Variants in NRXN1 observed in about 807,000 individuals in gnomAD.
NRXN1 encodes the protein neurexin 1, also known as neurexin-1.
A neutral mutation model predicts 150.9 loss-of-function variants in NRXN1; 39 were observed. That is an observed-to-expected ratio of 0.26 (90% CI 0.20 to 0.34). NRXN1 has a LOEUF of 0.34. Ranked by LOEUF, NRXN1 falls within the 10% of genes least tolerant of loss-of-function variation. NRXN1 has a pLI of 1.00. For missense variants in NRXN1, 1,815 were observed against 1,949.9 expected, an observed-to-expected ratio of 0.93 and a Z score of 1.30; for synonymous variants, 924 against 757.0, an observed-to-expected ratio of 1.22 and a Z score of -3.62.
At chr2:50,662,633 T>C (rs536316226) in intron 5 of NRXN1, among the ~76,000 whole-genome samples, 3 of 152,074 alleles carry the variant, frequency 2.0e-5, no homozygotes, top group African/African-American at 7.2e-5. Flanking sequence ...TGTTAGTATA[T>C]TCTCTGTGTG....
At chr2:50,322,515 T>A (rs2076114728) in intron 17 of NRXN1, among the ~76,000 whole-genome samples, 1 of 152,170 alleles carries the variant, frequency 6.6e-6, no homozygotes, top group Non-Finnish European at 1.5e-5. Context: ...ATTTTTCAGG[T>A]GATAACTGTT....
chr2:50,002,511 C>G (rs1297678180), intron 21 of NRXN1, among the ~76,000 whole-genome samples: 1 of 152,106 alleles, frequency 6.6e-6, no homozygotes, highest in Non-Finnish European at 1.5e-5. Flanking sequence ...GTTTTTCCAG[C>G]TTCAGATTCC....
chr2:50,919,756 AT>A lies in NRXN1; in HGVS notation c.832+2112del, dbSNP rs941069020. 332 of 154,732 alleles carry A rather than the reference AT, an allele frequency of 2.1e-3. 1 individual carries two copies. Among genetic ancestry groups the A allele is most frequent in the South Asian group, 0.011 (57 of 5,388 alleles). 9.6% of individuals were successfully genotyped at this position (154,732 alleles called of 1,614,324 possible). A position where few individuals can be genotyped will look rare whatever the true frequency, so the allele number is the denominator to read the frequency against. On this transcript the variant is annotated intron_variant, in intron 5 of 22. Coordinates refer to ENST00000401669, the MANE Select transcript of NRXN1 (RefSeq NM_001330078.2). ...AAAGTTCCTAAATTATTTTTTCCAG[AT>A]TTTTTTTTAATTCCTCCAACAGATG...
chr2:50,673,516 A>G (rs1398463900), intron 5 of NRXN1, among the ~76,000 whole-genome samples: 1 of 152,118 alleles, frequency 6.6e-6, no homozygotes, highest in Admixed American at 6.6e-5. Flanking sequence ...GAGAAAGGTA[A>G]TCTTCAGTAC....
intron 21 of NRXN1, among the ~76,000 whole-genome samples, chr2:50,036,222 G>A (rs1325296190): frequency 6.6e-6 from 1 of 152,048 alleles, no homozygotes; most frequent in Non-Finnish European, 1.5e-5. Flanking sequence ...ATGATATTGC[G>A]TGAGTTCTCA....
chr2:50,167,609 C>A (rs557917147), intron 18 of NRXN1, among the ~76,000 whole-genome samples: 2 of 150,690 alleles, frequency 1.3e-5, no homozygotes, highest in East Asian at 3.9e-4. Flanking sequence ...GGAAAAAGAA[C>A]AAGTATTATC....
intron 2 of NRXN1, among the ~76,000 whole-genome samples, chr2:50,976,339 A>AT (rs922267067): frequency 1.3e-5 from 2 of 151,596 alleles, no homozygotes; most frequent in East Asian, 3.9e-4. Flanking sequence ...ATTTGCTTGA[A>AT]TTTTTTCCCT....
chr2:50,403,392 A>G (rs1558670260), intron 17 of NRXN1, among the ~76,000 whole-genome samples: 2 of 152,112 alleles, frequency 1.3e-5, no homozygotes, highest in South Asian at 4.1e-4. Context: ...CAAACCTACT[A>G]AATCAGAATC....
chr2:50,491,752 T>C (rs909794358), intron 15 of NRXN1, among the ~76,000 whole-genome samples: 1 of 152,190 alleles, frequency 6.6e-6, no homozygotes, highest in Non-Finnish European at 1.5e-5. Context: ...CACTCTATGC[T>C]ACACAGCTAG....
intron 5 of NRXN1, among the ~76,000 whole-genome samples, chr2:50,819,751 T>G (rs549896322): frequency 6.6e-6 from 1 of 152,218 alleles, no homozygotes; most frequent in South Asian, 2.1e-4. Context: ...GCAGTGATTA[T>G]TTCCCTGAAT....
At chr2:50,353,782 C>T (rs947094104) in intron 17 of NRXN1, among the ~76,000 whole-genome samples, 2 of 152,062 alleles carry the variant, frequency 1.3e-5, no homozygotes, top group African/African-American at 2.4e-5. Flanking sequence ...CAAGCTCAGC[C>T]ACTTCTTAAT....
At chr2:50,149,419 T>A (rs1316749841) in intron 18 of NRXN1, among the ~76,000 whole-genome samples, 2 of 151,616 alleles carry the variant, frequency 1.3e-5, no homozygotes, top group Non-Finnish European at 3.0e-5. Flanking sequence ...TCTATATAGG[T>A]GACAAATCAA....
chr2:49,961,351 A>T (rs1319138700), intron 21 of NRXN1, among the ~76,000 whole-genome samples: 1 of 149,710 alleles, frequency 6.7e-6, no homozygotes, highest in Non-Finnish European at 1.5e-5. Flanking sequence ...CACACACATC[A>T]ATCTCTCAAT....
intron 2 of NRXN1, among the ~76,000 whole-genome samples, chr2:50,989,404 T>C (rs1175508307): frequency 6.6e-6 from 1 of 151,976 alleles, no homozygotes; most frequent in Non-Finnish European, 1.5e-5. Flanking sequence ...ACACTTACAG[T>C]CAGATAACCA....
At chr2:50,874,633 A>T (rs555154808) in intron 5 of NRXN1, among the ~76,000 whole-genome samples, 2 of 151,822 alleles carry the variant, frequency 1.3e-5, no homozygotes, top group South Asian at 4.1e-4. Context: ...TTTTTATTTC[A>T]TTTTTTTCTA....
At chr2:50,111,760 T>A (rs1702407029) in intron 18 of NRXN1, among the ~76,000 whole-genome samples, 1 of 152,222 alleles carries the variant, frequency 6.6e-6, no homozygotes, top group Admixed American at 6.5e-5. Flanking sequence ...TAGGCCACAT[T>A]TTCCCCACAG....
At chr2:50,735,893 G>C (rs1698678567) in intron 5 of NRXN1, among the ~76,000 whole-genome samples, 1 of 152,126 alleles carries the variant, frequency 6.6e-6, no homozygotes, top group African/African-American at 2.4e-5. Flanking sequence ...CCAGGTCCAA[G>C]ACATTATGAT....
intron 12 of NRXN1, chr2:50,506,846 T>A: frequency 3.9e-6 from 2 of 518,628 alleles, no homozygotes; most frequent in Non-Finnish European, 6.9e-6. Context: ...TGACAACTTT[T>A]ACAAACATTC....
chr2:49,949,810 G>C (rs1673601932), intron 21 of NRXN1, among the ~76,000 whole-genome samples: 1 of 151,778 alleles, frequency 6.6e-6, no homozygotes. Flanking sequence ...AACAGTTAGT[G>C]GGTCGAGGAC....
Sources: gnomAD v4.1 joint callset for allele counts (sites outside exome capture counted in the v4.1 genomes callset) on GRCh38, gnomAD v4.1.1 for gene constraint, MANE v1.5 for transcripts, NCBI Gene and HGNC (gene_info 2026-07-23, HGNC 2026-07-21) for gene names.